Variants in RNF150 observed in about 807,000 individuals in gnomAD.
RNF150 encodes the protein ring finger protein 150.
Under a neutral mutation model 39.3 loss-of-function variants are expected in RNF150, and 24 were observed. That is an observed-to-expected ratio of 0.61 (90% CI 0.44 to 0.86). The LOEUF is 0.86. Ranked by LOEUF, RNF150 falls within the 40% of genes least tolerant of loss-of-function variation. The probability of loss-of-function intolerance (pLI) is 0.00; values close to 1 mark genes in which losing one functional copy is unlikely to be tolerated. For missense variants in RNF150, 502 were observed against 587.8 expected (o/e 0.85, Z 1.51); for synonymous variants, 255 against 227.3 (o/e 1.12, Z -1.10).
At chr4:141,151,406 A>G (rs545822949) in intron 1 of RNF150, among the ~76,000 whole-genome samples, 2 of 127,118 alleles carry the variant, frequency 1.6e-5, no homozygotes, top group South Asian at 5.0e-4. Context: ...CCCCATCTCT[A>G]CAGACACACA....
chr4:140,937,780 C>T (rs1731915193), intron 4 of RNF150, among the ~76,000 whole-genome samples: 1 of 151,212 alleles, frequency 6.6e-6, no homozygotes. Flanking sequence ...TCTCTGTTTT[C>T]AACATTTTGC....
At chr4:140,878,567 T>G (rs538303572) in intron 6 of RNF150, among the ~76,000 whole-genome samples, 1 of 152,320 alleles carries the variant, frequency 6.6e-6, no homozygotes, top group African/African-American at 2.4e-5. Context: ...TTAGGAAAAT[T>G]ATCTATTCAA....
At chr4:141,047,195 T>C (rs1395664) in intron 1 of RNF150, among the ~76,000 whole-genome samples, 4,635 of 152,132 alleles carry the variant, frequency 0.03, 253 homozygotes, top group African/African-American at 0.1. Flanking sequence ...CATCTGAAAA[T>C]ATTTAGAAAG....
chr4:140,891,726 C>A (rs76609547), intron 6 of RNF150, among the ~76,000 whole-genome samples: 1,953 of 152,182 alleles, frequency 0.013, 48 homozygotes, highest in African/African-American at 0.044. Flanking sequence ...AAACCTGGGC[C>A]ACCGACTGGT....
chr4:140,939,723 AC>A (rs1732009224), intron 4 of RNF150, among the ~76,000 whole-genome samples: 1 of 151,784 alleles, frequency 6.6e-6, no homozygotes, highest in Non-Finnish European at 1.5e-5. Context: ...CTTTTGAGTG[AC>A]AGTTTGCAAG....
intron 1 of RNF150, among the ~76,000 whole-genome samples, chr4:141,048,569 G>GA (rs1377478360): frequency 1.3e-5 from 2 of 151,980 alleles, no homozygotes; most frequent in Non-Finnish European, 2.9e-5. Context: ...TGTCTCTAGA[G>GA]AAAAAATTTA....
chr4:141,136,136 T>C (rs1345451767), upstream of RNF150, among the ~76,000 whole-genome samples: 1 of 152,180 alleles, frequency 6.6e-6, no homozygotes, highest in African/African-American at 2.4e-5. Context: ...ACAATAAATA[T>C]CCCAGATTGG....
At chr4:141,207,438 A>G (rs1728392195) in intron 1 of RNF150, among the ~76,000 whole-genome samples, 1 of 152,106 alleles carries the variant, frequency 6.6e-6, no homozygotes. Context: ...GGTCAAATGG[A>G]AAGCAGGAGA....
chr4:141,177,297 G>C (rs547877226), intron 1 of RNF150, among the ~76,000 whole-genome samples: 1 of 152,158 alleles, frequency 6.6e-6, no homozygotes, highest in South Asian at 2.1e-4. Flanking sequence ...CTAGTCCTGG[G>C]TCTTTGCTGC....
intron 1 of RNF150, among the ~76,000 whole-genome samples, chr4:141,108,413 C>G (rs1193686970): frequency 1.3e-5 from 2 of 152,226 alleles, no homozygotes; most frequent in East Asian, 3.9e-4. Context: ...CAATATTTTA[C>G]AGTTATATAG....
chr4:140,896,857 G>A (rs1485038739), intron 6 of RNF150, among the ~76,000 whole-genome samples: 2 of 152,008 alleles, frequency 1.3e-5, no homozygotes, highest in Admixed American at 6.6e-5. Context: ...ACATCAGGTC[G>A]GGGATGTTTC....
chr4:141,167,585 C>A (rs1727626375), intron 1 of RNF150, among the ~76,000 whole-genome samples: 1 of 150,648 alleles, frequency 6.6e-6, no homozygotes, highest in Non-Finnish European at 1.5e-5. Context: ...GTACTGGTAC[C>A]AAAACAGATA....
Position 141,068,183 on chromosome 4 carries a change from G to C in RNF150, c.484+64142C>G, listed in dbSNP as rs377503141. ...TGCTCTTGAACACCTAACCTCATGT[G>C]ATCTGCCCGCCTTGGCCTCCCAAAG... is the stretch of plus-strand genomic sequence containing the variant. On this transcript the variant is annotated intron_variant, in intron 1 of 6. Coordinates refer to ENST00000515673, the MANE Select transcript of RNF150 (RefSeq NM_020724.2). Among the ~76,000 whole-genome samples, 15 of 152,248 alleles carry C rather than the reference G, an allele frequency of 9.9e-5. No homozygotes were observed. The South Asian group carries it at 1.2e-3, about 13-fold the overall frequency.
chr4:141,132,006 G>T lies in RNF150; in HGVS notation c.484+319C>A, dbSNP rs965121937. ...AGGTGCTGGGCCGGTCACTAACCAA[G>T]AACAGTATCTGAGCCCTACCCTCCA... On this transcript the variant is annotated intron_variant, in intron 1 of 6. Transcript: ENST00000515673. The surrounding 1 kb of genome is among the most constrained non-coding windows in gnomAD (Gnocchi z 4.9). Among the ~76,000 whole-genome samples, 1 of 152,090 alleles carries T rather than the reference G, an allele frequency of 6.6e-6. No individual in the cohort carries two copies. The highest frequency in any genetic ancestry group is 2.4e-5 in the African/African-American group (1 of 41,386).
chr4:141,112,699 G>A (rs141797171), intron 1 of RNF150, among the ~76,000 whole-genome samples: 7,901 of 152,036 alleles, frequency 0.052, 403 homozygotes, highest in African/African-American at 0.12. Flanking sequence ...ATGATTATGC[G>A]TCTTGGGGTT....
intron 1 of RNF150, among the ~76,000 whole-genome samples, chr4:140,986,715 C>T (rs1734027496): frequency 6.6e-6 from 1 of 152,030 alleles, no homozygotes; most frequent in South Asian, 2.1e-4. Context: ...AATAGTCCTT[C>T]TATGCAAATA....
intron 1 of RNF150, among the ~76,000 whole-genome samples, chr4:141,019,651 T>G (rs774803612): frequency 7.9e-5 from 12 of 152,184 alleles, no homozygotes; most frequent in Non-Finnish European, 1.3e-4. Flanking sequence ...CATCTGGAAA[T>G]GCATATGAAA....
At chr4:140,872,376 T>C (rs1021246232) in intron 6 of RNF150, among the ~76,000 whole-genome samples, 1 of 152,246 alleles carries the variant, frequency 6.6e-6, no homozygotes, top group Non-Finnish European at 1.5e-5. Flanking sequence ...AAAAATACTC[T>C]TAGTCCATTT....
intron 1 of RNF150, among the ~76,000 whole-genome samples, chr4:141,074,017 G>A (rs750103282): frequency 9.2e-5 from 14 of 151,632 alleles, no homozygotes; most frequent in African/African-American, 7.3e-5. Context: ...GGACTTCTGG[G>A]CCAGCAGAAG....
Sources: allele counts gnomAD v4.1 joint callset (sites outside exome capture counted in the v4.1 genomes callset), GRCh38; gene constraint gnomAD v4.1.1; non-coding constraint Gnocchi (gnomAD v3.1); transcripts MANE v1.5; gene names NCBI Gene and HGNC (gene_info 2026-07-23, HGNC 2026-07-21).